Variants in CNTN6 observed in about 807,000 individuals in gnomAD.
The protein encoded by CNTN6 is contactin 6, also known as contactin-6.
In CNTN6, 137 loss-of-function variants were observed where a neutral mutation model predicts 122.8. That is an observed-to-expected ratio of 1.12 (90% CI 0.97 to 1.29). CNTN6 has a LOEUF of 1.29. Ranked by LOEUF, CNTN6 falls within the 50% of genes most tolerant of loss-of-function variation. The pLI is 0.00. For synonymous variants in CNTN6, 570 were observed against 426.0 expected (o/e 1.34, Z -4.16); for missense variants, 1,634 against 1,223.4 (o/e 1.34, Z -5.01).
chr3:1,399,573 C>T (rs1248581000), intron 20 of CNTN6, among the ~76,000 whole-genome samples: 1 of 151,936 alleles, frequency 6.6e-6, no homozygotes, highest in African/African-American at 2.4e-5. Context: ...TGAGTCTGAC[C>T]ACGGCAATTG....
At position 1,402,498 on chromosome 3, in the gene CNTN6, C is replaced by T. The variant is rs1301277425; in HGVS notation, c.2986+12C>T. 10 of 1,600,828 alleles carry T rather than the reference C, an allele frequency of 6.2e-6. No homozygotes were observed. Among genetic ancestry groups the T allele is most frequent in the East Asian group, 2.2e-5 (1 of 44,634 alleles). Reference sequence around the variant, plus strand: ...TCCAAAAATGTCAAGTAAGTTGAGTCACCATTGCTGTAGTAGATTCTGAAC... The same window carrying T: ...TCCAAAAATGTCAAGTAAGTTGAGTTACCATTGCTGTAGTAGATTCTGAAC... On this transcript the variant is annotated intron_variant, in intron 22 of 22. Transcript: ENST00000446702.
chr3:1,111,002 A>T (rs1343992188), intron 1 of CNTN6, among the ~76,000 whole-genome samples: 4 of 152,140 alleles, frequency 2.6e-5, no homozygotes, highest in African/African-American at 9.7e-5. Flanking sequence ...CTTTGATTTC[A>T]CTGGCCTCAT....
intron 4 of CNTN6, among the ~76,000 whole-genome samples, chr3:1,254,603 C>T (rs953761010): frequency 2.6e-5 from 4 of 152,030 alleles, no homozygotes; most frequent in African/African-American, 9.7e-5. Flanking sequence ...CACATCCTTG[C>T]CTGCCATGAG....
At chr3:1,205,978 A>T (rs1364650666) in intron 2 of CNTN6, among the ~76,000 whole-genome samples, 1 of 152,182 alleles carries the variant, frequency 6.6e-6, no homozygotes, top group Non-Finnish European at 1.5e-5. Flanking sequence ...CATTTCAATG[A>T]CCAAAAGTCA....
At chr3:1,285,922 A>G (rs181391145) in intron 5 of CNTN6, among the ~76,000 whole-genome samples, 2 of 152,338 alleles carry the variant, frequency 1.3e-5, no homozygotes, top group East Asian at 3.9e-4. Flanking sequence ...GTACAGTGTT[A>G]GAACCAGGAA....
chr3:1,363,519 TC>T (rs1707778440), intron 12 of CNTN6, among the ~76,000 whole-genome samples: 1 of 151,964 alleles, frequency 6.6e-6, no homozygotes, highest in Non-Finnish European at 1.5e-5. Flanking sequence ...ACAGGATTTT[TC>T]TTTCTGTGCC....
At chr3:1,150,332 ATTAC>A (rs1343275411) in intron 2 of CNTN6, among the ~76,000 whole-genome samples, 1 of 152,188 alleles carries the variant, frequency 6.6e-6, no homozygotes. Flanking sequence ...ATCTTTCACA[ATTAC>A]TTACTTTTTC....
At chr3:1,166,218 G>A (rs1355605356) in intron 2 of CNTN6, among the ~76,000 whole-genome samples, 2 of 152,184 alleles carry the variant, frequency 1.3e-5, no homozygotes, top group Non-Finnish European at 2.9e-5. Flanking sequence ...TATCGTGGGA[G>A]TGGTGAATGT....
At chr3:1,395,895 A>G (rs930216434) in intron 20 of CNTN6, among the ~76,000 whole-genome samples, 3 of 152,154 alleles carry the variant, frequency 2.0e-5, no homozygotes, top group Non-Finnish European at 2.9e-5. Flanking sequence ...ATGCTTAGAA[A>G]GGTTTTGTCA....
intron 12 of CNTN6, among the ~76,000 whole-genome samples, chr3:1,365,921 C>T (rs1021895371): frequency 2.0e-5 from 3 of 152,064 alleles, no homozygotes; most frequent in Non-Finnish European, 4.4e-5. Flanking sequence ...TAGAGAATTT[C>T]AGACAATATA....
At chr3:1,118,007 CA>C (rs1026168617) in intron 1 of CNTN6, among the ~76,000 whole-genome samples, 2 of 152,110 alleles carry the variant, frequency 1.3e-5, no homozygotes, top group African/African-American at 2.4e-5. Context: ...AATCACTTCC[CA>C]AATAAGCCCT....
At chr3:1,359,953 A>T in intron 12 of CNTN6, among the ~76,000 whole-genome samples, 1 of 152,134 alleles carries the variant, frequency 6.6e-6, no homozygotes, top group Non-Finnish European at 1.5e-5. Context: ...CTATCTCAAT[A>T]GTCTCCCTTC....
At chr3:1,330,987 C>T (rs1702212291) in intron 11 of CNTN6, among the ~76,000 whole-genome samples, 1 of 151,712 alleles carries the variant, frequency 6.6e-6, no homozygotes, top group Admixed American at 6.6e-5. Context: ...ATCTCCCATG[C>T]CAGAAAAAAG....
Position 1,271,382 on chromosome 3 carries a change from G to A in CNTN6, c.359-7031G>A, listed in dbSNP as rs77419598. 4.9e-4 allele frequency among the ~76,000 whole-genome samples: 75 copies of A among 152,246 alleles called. 2 individuals are homozygous for A. The East Asian group carries it at 0.013, about 26-fold the overall frequency. On this transcript the variant is annotated intron_variant, in intron 4 of 22. Coordinates refer to ENST00000446702, the MANE Select transcript of CNTN6 (RefSeq NM_001289080.2). ...TATAGAAGAGAGAAGGCAGACGCAA[G>A]TAAGAGGAGTAACTAAAGGGCCTTT...
chr3:1,337,044 G>A (rs745430670), intron 11 of CNTN6, among the ~76,000 whole-genome samples: 2 of 152,136 alleles, frequency 1.3e-5, no homozygotes, highest in South Asian at 2.1e-4. Flanking sequence ...TTTTCTTCAT[G>A]GGTAAAATGG....
intron 19 of CNTN6, 51 bp downstream of exon 19, chr3:1,383,459 CA>C (rs930355284): frequency 3.0e-6 from 4 of 1,335,032 alleles, no homozygotes; most frequent in Admixed American, 3.4e-5. Context: ...ATGGACTTCG[CA>C]ATAGCTCCTA....
intron 2 of CNTN6, among the ~76,000 whole-genome samples, chr3:1,211,492 C>A (rs2094037480): frequency 2.0e-5 from 3 of 152,114 alleles, no homozygotes; most frequent in Admixed American, 6.6e-5. Flanking sequence ...TTTCTCAAGG[C>A]TGTTTTAGTT....
intron 12 of CNTN6, among the ~76,000 whole-genome samples, chr3:1,353,816 C>T (rs1706078982): frequency 6.6e-6 from 1 of 150,882 alleles, no homozygotes; most frequent in South Asian, 2.1e-4. Flanking sequence ...AGGCATTTTG[C>T]AGTTAAATCT....
At chr3:1,396,408 A>G (rs1694991772) in intron 20 of CNTN6, among the ~76,000 whole-genome samples, 1 of 152,214 alleles carries the variant, frequency 6.6e-6, no homozygotes, top group Non-Finnish European at 1.5e-5. Flanking sequence ...AGTGTTGGAA[A>G]AAGTTGGAAT....
Sources: allele counts gnomAD v4.1 joint callset (sites outside exome capture counted in the v4.1 genomes callset), GRCh38; gene constraint gnomAD v4.1.1; transcripts MANE v1.5; gene names NCBI Gene and HGNC (gene_info 2026-07-23, HGNC 2026-07-21).